NDUFAF7: variants seen among roughly 807,000 people sequenced by gnomAD.
The protein encoded by NDUFAF7 is protein arginine methyltransferase NDUFAF7, mitochondrial.
NDUFAF7 carries 48 observed loss-of-function variants against 47.2 expected under a neutral mutation model. That is an observed-to-expected ratio of 1.02 (90% CI 0.81 to 1.29). The LOEUF (loss-of-function observed/expected upper bound fraction) is 1.29. Ranked by LOEUF, NDUFAF7 falls within the 50% of genes most tolerant of loss-of-function variation. NDUFAF7 has a pLI of 0.00. For missense variants in NDUFAF7, 635 were observed against 537.6 expected, an observed-to-expected ratio of 1.18 and a Z score of -1.79; for synonymous variants, 217 against 190.0, an observed-to-expected ratio of 1.14 and a Z score of -1.17.
downstream of NDUFAF7, chr2:37,252,672 G>A (rs888764821): frequency 6.6e-6 from 1 of 151,958 alleles, no homozygotes; most frequent in African/African-American, 2.4e-5. Flanking sequence ...TTAAACCAAT[G>A]TTAAAAGTCC....
chr2:37,239,741 C>CAA (rs34196749), intron 4 of NDUFAF7, among the ~76,000 whole-genome samples: 74,165 of 151,836 alleles, frequency 0.49, 18,843 homozygotes, highest in East Asian at 0.78. Flanking sequence ...TAGCAGTTTG[C>CAA]AAGAGTTCGT....
intron 2 of NDUFAF7, among the ~76,000 whole-genome samples, chr2:37,234,154 A>G (rs1004980487): frequency 1.3e-5 from 2 of 152,194 alleles, no homozygotes; most frequent in African/African-American, 4.8e-5. Flanking sequence ...CAGTAGTGCA[A>G]TCTTGGCTCA....
In NDUFAF7 at chr2:37,246,079, G is replaced by C; in HGVS notation, c.820G>C (p.Val274Leu). ...QHDETRDHVE[V>L]CPDAGVIIEE... ...TGACGAAACAAGGGATCATGTTGAAGTGTGTCCTGATGCTGGTGTTATCAT... is the reference window on the plus strand; with the variant it reads ...TGACGAAACAAGGGATCATGTTGAACTGTGTCCTGATGCTGGTGTTATCAT... The change falls in exon 8 of 10, where the codon GTG becomes CTG. Residue 274 changes from valine (V) to leucine (L), a missense_variant. Coordinates refer to ENST00000002125, the MANE Select transcript of NDUFAF7 (RefSeq NM_144736.5). 6.2e-7 allele frequency: 1 copy of C among 1,613,932 alleles called. No individual in the cohort carries two copies. Among genetic ancestry groups the C allele is most frequent in the Non-Finnish European group, 8.5e-7 (1 of 1,179,868 alleles).
chr2:37,242,578 A>G, intron 5 of NDUFAF7, 57 bp from the exon 6 acceptor site: 2 of 1,390,812 alleles, frequency 1.4e-6, no homozygotes, highest in Non-Finnish European at 1.0e-6. Flanking sequence ...TTAATATTCA[A>G]AAGAATTAAT....
chr2:37,265,251 C>T, the NDUFAF7 span, among the ~76,000 whole-genome samples: 2 of 152,144 alleles, frequency 1.3e-5, no homozygotes, highest in Admixed American at 1.3e-4. Flanking sequence ...GGTGTGAGTG[C>T]GTTTAACAGT....
intron 7 of NDUFAF7, among the ~76,000 whole-genome samples, chr2:37,245,792 G>A (rs990673194): frequency 2.6e-5 from 4 of 152,166 alleles, no homozygotes; most frequent in South Asian, 2.1e-4. Flanking sequence ...GCCATCTGGG[G>A]GGATTGGGAG....
chr2:37,237,368 C>G (rs1861444), intron 3 of NDUFAF7, among the ~76,000 whole-genome samples: 97,641 of 152,178 alleles, frequency 0.64, 32,096 homozygotes, highest in East Asian at 0.98. Flanking sequence ...GTAGAATGTG[C>G]GTATCGAAAA....
downstream of NDUFAF7, among the ~76,000 whole-genome samples, chr2:37,255,601 AT>A (rs1412441879): frequency 3.9e-5 from 6 of 152,214 alleles, no homozygotes; most frequent in Non-Finnish European, 7.3e-5. Context: ...GTGTCTGGTG[AT>A]TATAAAGTTC....
chr2:37,241,626 C>T lies in NDUFAF7; in HGVS notation c.457C>T (p.His153Tyr). 1.9e-6 allele frequency: 3 copies of T among 1,613,736 alleles called. No homozygotes were observed. The highest frequency in any genetic ancestry group is 2.5e-6 in the Non-Finnish European group (3 of 1,179,928). The change falls in exon 5 of 10, where the codon CAT becomes TAT. Residue 153 changes from histidine (H) to tyrosine (Y), a missense_variant. Coordinates refer to ENST00000002125, the MANE Select transcript of NDUFAF7 (RefSeq NM_144736.5). ...GCTGAAAAATTGTGACATTTCAGTA[C>T]ATCTGGTAGAGGTAAGCCAAAAATT... ...SVLKNCDISV[H>Y]LVEVSQKLSE... is the part of the protein sequence containing the mutation.
chr2:37,268,410 G>A, the NDUFAF7 span: 3 of 464,534 alleles, frequency 6.5e-6, no homozygotes, highest in Admixed American at 2.4e-5. Flanking sequence ...TATGCATGCA[G>A]AGTCAACACA....
At chr2:37,269,334 TC>T in the NDUFAF7 span, 47,587 of 382,352 alleles carry the variant, frequency 0.12, 4,128 homozygotes, top group East Asian at 0.34. Flanking sequence ...TCAAACCATC[TC>T]CCCCCCTGCC....
rs201517456 is a variant in NDUFAF7 at position 37,246,124 on chromosome 2, A to G, written c.865A>G (p.Ile289Val). 7 of 1,613,950 alleles carry G rather than the reference A, an allele frequency of 4.3e-6. No homozygotes were observed. The highest frequency in any genetic ancestry group is 3.3e-5 in the Admixed American group (2 of 59,988). ...TATCATCGAGGAACTTTCTCAACGC[A>G]TTGCATTAACTGGAGGTGCTGCACT... ...GVIIEELSQRIALTGGAALVA... is the reference protein window; with the variant it reads ...GVIIEELSQRVALTGGAALVA... Residue 289 changes from isoleucine to valine, a missense_variant, in exon 8 of 10, where the codon ATT becomes GTT. Ile to Val is a conservative substitution (Grantham distance 29). Coordinates refer to ENST00000002125, the MANE Select transcript of NDUFAF7 (RefSeq NM_144736.5).
chr2:37,244,437 A>G (rs1357510520), intron 7 of NDUFAF7, among the ~76,000 whole-genome samples: 2 of 152,232 alleles, frequency 1.3e-5, no homozygotes, highest in East Asian at 1.9e-4. Context: ...TCTTTGGGCT[A>G]CAGCATGGCT....
intron 2 of NDUFAF7, among the ~76,000 whole-genome samples, chr2:37,233,127 G>A (rs1294300097): frequency 2.0e-5 from 3 of 152,214 alleles, no homozygotes; most frequent in South Asian, 2.1e-4. Flanking sequence ...CCGATGGATT[G>A]AGTGATGGAA....
chr2:37,247,834 T>C (rs562560878), intron 9 of NDUFAF7, among the ~76,000 whole-genome samples: 1 of 152,202 alleles, frequency 6.6e-6, no homozygotes, highest in Non-Finnish European at 1.5e-5. Flanking sequence ...TTCCAAATAG[T>C]GTTTTTGTTT....
downstream of NDUFAF7, among the ~76,000 whole-genome samples, chr2:37,253,870 T>TA: frequency 6.6e-6 from 1 of 152,316 alleles, no homozygotes; most frequent in South Asian, 2.1e-4. Context: ...CCAAACATTT[T>TA]TAAAAAATCT....
the NDUFAF7 span, among the ~76,000 whole-genome samples, chr2:37,267,011 G>A: frequency 5.9e-5 from 9 of 151,892 alleles, no homozygotes; most frequent in African/African-American, 1.9e-4. Context: ...TTTAAAATAC[G>A]CCCCAATCGA....
At chr2:37,262,171 A>G in the NDUFAF7 span, among the ~76,000 whole-genome samples, 4 of 152,134 alleles carry the variant, frequency 2.6e-5, no homozygotes, top group African/African-American at 9.7e-5. Context: ...TTTCCTTAAT[A>G]TGGCTAGCTG....
At chr2:37,234,708 A>C (rs771371135) in intron 2 of NDUFAF7, among the ~76,000 whole-genome samples, 3 of 152,196 alleles carry the variant, frequency 2.0e-5, no homozygotes, top group Non-Finnish European at 4.4e-5. Context: ...GGAAGAGAGA[A>C]GGGGACAGCT....
Sources: allele counts gnomAD v4.1 joint callset (sites outside exome capture counted in the v4.1 genomes callset), GRCh38; gene constraint gnomAD v4.1.1; transcripts MANE v1.5; gene names NCBI Gene and HGNC (gene_info 2026-07-23, HGNC 2026-07-21).